CDH4: variants seen among roughly 807,000 people sequenced by gnomAD.
CDH4 encodes the protein cadherin-4.
In CDH4, 33 loss-of-function variants were observed where a neutral mutation model predicts 86.0. That is an observed-to-expected ratio of 0.38 (90% CI 0.29 to 0.51). CDH4 has a LOEUF of 0.51. Among genes scored for constraint, CDH4 ranks in the 20% least tolerant of loss-of-function variants. The pLI, the probability that CDH4 is intolerant of heterozygous loss-of-function variation, is 0.86. For missense variants in CDH4, 1,114 were observed against 1,307.4 expected (o/e 0.85, Z 2.28); for synonymous variants, 555 against 549.4 (o/e 1.01, Z -0.14).
chr20:61,447,339 T>C (rs1253336558), intron 2 of CDH4, among the ~76,000 whole-genome samples: 1 of 149,276 alleles, frequency 6.7e-6, no homozygotes, highest in Non-Finnish European at 1.5e-5. Context: ...TTTTTTTTTT[T>C]TTTTTTGTAT....
chr20:61,368,251 C>G (rs1163275715), intron 2 of CDH4, among the ~76,000 whole-genome samples: 1 of 152,174 alleles, frequency 6.6e-6, no homozygotes, highest in Non-Finnish European at 1.5e-5. Context: ...CCTTGCTGTG[C>G]TCTGAGTGTT....
intron 2 of CDH4, among the ~76,000 whole-genome samples, chr20:61,520,920 AG>A (rs1317544348): frequency 3.9e-5 from 6 of 152,210 alleles, no homozygotes; most frequent in Non-Finnish European, 8.8e-5. Flanking sequence ...GAGCAAACCC[AG>A]GTCAGTGCAG....
At chr20:61,574,486 C>T (rs977917274) in intron 2 of CDH4, among the ~76,000 whole-genome samples, 6 of 152,322 alleles carry the variant, frequency 3.9e-5, no homozygotes, top group South Asian at 2.1e-4. Context: ...TTCAACCTGA[C>T]CCCCACCCCC....
intron 8 of CDH4, among the ~76,000 whole-genome samples, chr20:61,908,365 T>C (rs2054814367): frequency 1.3e-5 from 2 of 152,232 alleles, no homozygotes; most frequent in Non-Finnish European, 1.5e-5. Flanking sequence ...AGTCGCCATC[T>C]GTATTTCCCC....
chr20:61,734,388 G>C (rs2088234578), intron 2 of CDH4, among the ~76,000 whole-genome samples: 1 of 152,198 alleles, frequency 6.6e-6, no homozygotes, highest in South Asian at 2.1e-4. Context: ...GGGAGTTGTT[G>C]TATGTGAGGT....
rs6093096 is a variant in CDH4, at chr20:61,343,991, C to T, written c.169+89054C>T. ...TTCACTTGGATTTAAAGGATTGTAC[C>T]TACGTGAAGAATGAAGAGGGGTGCT... On this transcript the variant is annotated intron_variant, in intron 2 of 15. Coordinates refer to ENST00000614565, the MANE Select transcript of CDH4 (RefSeq NM_001794.5). Among the ~76,000 whole-genome samples the T allele has an allele frequency of 2.1e-3, 321 of 152,138 alleles. 1 individual carries two copies. Among genetic ancestry groups the T allele is most frequent in the Non-Finnish European group, 3.1e-3 (209 of 68,012 alleles).
chr20:61,661,138 G>T (rs913350711), intron 2 of CDH4, among the ~76,000 whole-genome samples: 6 of 150,642 alleles, frequency 4.0e-5, no homozygotes, highest in African/African-American at 1.5e-4. Flanking sequence ...CGGTAGGGCA[G>T]CTTCTTGCAT....
chr20:61,594,156 T>A lies in CDH4; in HGVS notation c.170-149407T>A, dbSNP rs1176316890. Among the ~76,000 whole-genome samples the A allele has an allele frequency of 3.4e-3, 99 of 28,902 alleles. 1 individual carries two copies. Among genetic ancestry groups the A allele is most frequent in the Non-Finnish European group, 2.6e-3 (41 of 16,012 alleles). The allele number at this position is 28,902 out of a possible 152,430, so 19.0% of individuals were successfully genotyped here. A position where few individuals can be genotyped will look rare whatever the true frequency, so the allele number is the denominator to read the frequency against. On this transcript the variant is annotated intron_variant, in intron 2 of 15. Coordinates refer to ENST00000614565, the MANE Select transcript of CDH4 (RefSeq NM_001794.5). ...GGGAGGTGAGCTGGGGGGAAGAGGG[T>A]TGGGGAAAGAGGGGGGAAAGGGGGT...
intron 2 of CDH4, among the ~76,000 whole-genome samples, chr20:61,337,551 G>C (rs1297791014): frequency 1.3e-5 from 2 of 151,992 alleles, no homozygotes; most frequent in African/African-American, 4.8e-5. Context: ...TCGTGGTGGT[G>C]GTGATGGTGT....
chr20:61,923,658 A>G lies in CDH4; in HGVS notation c.1582A>G (p.Thr528Ala). 1.2e-6 allele frequency: 2 copies of G among 1,613,970 alleles called. No homozygotes were observed. Among genetic ancestry groups the G allele is most frequent in the Non-Finnish European group, 8.5e-7 (1 of 1,180,026 alleles). ...CGTGCCCCCCGGCACCGTGCTGACC[A>G]CGTTTTCAGCTGTGGACCCTGACCG... is the stretch of plus-strand genomic sequence containing the variant. ...EGVPPGTVLT[T>A]FSAVDPDRFM... Residue 528 changes from threonine (T) to alanine (A), a missense_variant, in exon 10 of 16, where the codon ACG (threonine) becomes GCG (alanine). Thr to Ala is a moderately conservative substitution (Grantham distance 58, BLOSUM62 0). This residue lies in a region of CDH4 where 705 missense variants were observed against 914.1 expected (regional missense o/e 0.77). Coordinates refer to ENST00000614565, the MANE Select transcript of CDH4 (RefSeq NM_001794.5).
intron 4 of CDH4, among the ~76,000 whole-genome samples, chr20:61,783,230 A>G (rs898677853): frequency 1.3e-5 from 2 of 152,278 alleles, no homozygotes; most frequent in African/African-American, 4.8e-5. Context: ...GGCTTCTTCC[A>G]AATTCATTAC....
At chr20:61,609,249 G>A (rs1391608714) in intron 2 of CDH4, among the ~76,000 whole-genome samples, 1 of 152,294 alleles carries the variant, frequency 6.6e-6, no homozygotes, top group South Asian at 2.1e-4. Context: ...TCACTGGTGC[G>A]TGCTGATGTG....
At chr20:61,826,075 T>C (rs1398926071) in intron 4 of CDH4, among the ~76,000 whole-genome samples, 1 of 152,156 alleles carries the variant, frequency 6.6e-6, no homozygotes, top group Non-Finnish European at 1.5e-5. Context: ...TGCCCTTGAC[T>C]CTTCCTGCAA....
rs2427156 is a variant in CDH4, at chr20:61,516,024, T to A, written c.170-227539T>A. On this transcript the variant is annotated intron_variant, in intron 2 of 15. Coordinates refer to ENST00000614565, the MANE Select transcript of CDH4 (RefSeq NM_001794.5). This position sits in a 1 kb window ranked among gnomAD's most constrained non-coding sequence, Gnocchi z 4.0. ...GAACTTCTCCAGCCCCATCTTCCCC[T>A]GGGCTCTGGAACGCCCCCCCAATAC... Among the ~76,000 whole-genome samples the A allele has an allele frequency of 6.6e-6, 1 of 151,818 alleles. No individual in the cohort carries two copies. Among genetic ancestry groups the A allele is most frequent in the Non-Finnish European group, 1.5e-5 (1 of 67,938 alleles).
intron 2 of CDH4, among the ~76,000 whole-genome samples, chr20:61,640,171 C>T (rs1037211154): frequency 2.0e-5 from 3 of 152,200 alleles, no homozygotes; most frequent in African/African-American, 7.2e-5. Flanking sequence ...GGCGTGCGCT[C>T]AAAGTCGTTG....
rs554483462 is a variant in CDH4 at position 61,336,955 on chromosome 20, T to C, written c.169+82018T>C. On this transcript the variant is annotated intron_variant, in intron 2 of 15. Transcript: ENST00000614565. ...TCTGGGTGGGTGGGCAGATTCTGGC[T>C]ATCAGGCAGAGGTCTGTAACCTTGG... Among the ~76,000 whole-genome samples, 366 of 152,280 alleles carry C rather than the reference T, an allele frequency of 2.4e-3. 1 individual carries two copies. Among genetic ancestry groups the C allele is most frequent in the Non-Finnish European group, 3.6e-3 (244 of 68,030 alleles).
chr20:61,687,906 T>C (rs888725980), intron 2 of CDH4, among the ~76,000 whole-genome samples: 1 of 152,188 alleles, frequency 6.6e-6, no homozygotes, highest in Non-Finnish European at 1.5e-5. Context: ...GGTTTTTTAG[T>C]ATTCAGGTCC....
At chr20:61,284,149 CAA>C (rs5842344) in intron 2 of CDH4, among the ~76,000 whole-genome samples, 1,376 of 136,430 alleles carry the variant, frequency 0.01, 22 homozygotes, top group African/African-American at 0.026. Flanking sequence ...ACTAAAAATA[CAA>C]AAAAAAAAAA....
At chr20:61,545,666 A>G (rs1227668126) in intron 2 of CDH4, among the ~76,000 whole-genome samples, 2 of 151,950 alleles carry the variant, frequency 1.3e-5, no homozygotes, top group Non-Finnish European at 2.9e-5. Context: ...AGAGAACCGG[A>G]GGCTTTGGCA....
Sources: gnomAD v4.1 joint callset for allele counts (sites outside exome capture counted in the v4.1 genomes callset) on GRCh38, gnomAD v4.1.1 for gene constraint, gnomAD v4.1.1 regional missense constraint, Gnocchi (gnomAD v3.1) non-coding constraint, MANE v1.5 for transcripts, NCBI Gene and HGNC (gene_info 2026-07-23, HGNC 2026-07-21) for gene names.